The following PCDH15 variants were observed in gnomAD, a reference collection of about 807,000 sequenced individuals.
PCDH15 encodes the protein protocadherin-15.
PCDH15 carries 129 observed loss-of-function variants against 178.5 expected under a neutral mutation model. The ratio of observed to expected loss-of-function variants is 0.72; its 90% CI spans 0.63 to 0.84. PCDH15 has a LOEUF of 0.84. Among genes scored for constraint, PCDH15 ranks in the 40% least tolerant of loss-of-function variants. PCDH15 has a pLI of 0.00. For missense variants in PCDH15, 2,230 were observed against 2,099.9 expected, an observed-to-expected ratio of 1.06 and a Z score of -1.21; for synonymous variants, 800 against 732.0, an observed-to-expected ratio of 1.09 and a Z score of -1.50.
At chr10:54,658,219 A>G (rs902063217) in intron 2 of PCDH15, among the ~76,000 whole-genome samples, 29 of 152,102 alleles carry the variant, frequency 1.9e-4, no homozygotes, top group African/African-American at 6.8e-4. Context: ...ATAATTGAGG[A>G]AATAATTGAG....
intron 9 of PCDH15, among the ~76,000 whole-genome samples, chr10:54,226,033 A>G (rs942206903): frequency 4.6e-5 from 7 of 152,198 alleles, no homozygotes; most frequent in Non-Finnish European, 8.8e-5. Flanking sequence ...AAAGAAAGAG[A>G]GAGAGAGAGG....
At chr10:54,675,300 T>C (rs550918278) in intron 1 of PCDH15, among the ~76,000 whole-genome samples, 6 of 152,112 alleles carry the variant, frequency 3.9e-5, no homozygotes, top group African/African-American at 1.2e-4. Flanking sequence ...TATATGTCCC[T>C]TGGGGATGGG....
intron 3 of PCDH15, among the ~76,000 whole-genome samples, chr10:54,502,319 AC>A (rs1158308860): frequency 3.3e-5 from 5 of 152,074 alleles, no homozygotes; most frequent in African/African-American, 1.2e-4. Context: ...GTTATTAACT[AC>A]CCTGCTTATC....
intron 1 of PCDH15, among the ~76,000 whole-genome samples, chr10:55,223,118 G>A (rs1421714410): frequency 6.6e-6 from 1 of 151,966 alleles, no homozygotes; most frequent in Non-Finnish European, 1.5e-5. Flanking sequence ...AGTAAATGTT[G>A]CTTATGTGAC....
chr10:54,213,852 A>G, intron 10 of PCDH15, 84 bp downstream of exon 10: 1 of 896,818 alleles, frequency 1.1e-6, no homozygotes, highest in Non-Finnish European at 1.8e-6. Context: ...ATTTTATAAC[A>G]TAAAACTGCC....
rs896505637 is a variant in PCDH15 at position 53,802,918 on chromosome 10, A to T, written c.*3661T>A. On this transcript the variant is annotated 3_prime_UTR_variant, in exon 38 of 38. Transcript: ENST00000644397. The stretch of plus-strand genomic sequence containing the variant: ...GGATAAAGAAATTGGGAAAGCAGTG[A>T]AGGTGTTGATAGATTTTTCAAACTA... 6.6e-6 allele frequency: 1 copy of T among 151,960 alleles called. No individual in the cohort carries two copies. Among genetic ancestry groups the T allele is most frequent in the Admixed American group, 6.6e-5 (1 of 15,236 alleles). 9.4% of individuals were successfully genotyped at this position (151,960 alleles called of 1,614,324 possible).
intron 2 of PCDH15, among the ~76,000 whole-genome samples, chr10:55,080,094 C>T (rs1184922541): frequency 1.3e-5 from 2 of 152,044 alleles, no homozygotes; most frequent in African/African-American, 2.4e-5. Flanking sequence ...CTCTCAGGTT[C>T]TAGGGAGTGC....
At chr10:54,979,235 A>C (rs1450396209) in intron 2 of PCDH15, among the ~76,000 whole-genome samples, 1 of 152,218 alleles carries the variant, frequency 6.6e-6, no homozygotes, top group Non-Finnish European at 1.5e-5. Flanking sequence ...AGGAATGGAT[A>C]GTTGAAATAG....
intron 1 of PCDH15, among the ~76,000 whole-genome samples, chr10:54,667,276 T>C (rs2094586662): frequency 6.6e-6 from 1 of 152,168 alleles, no homozygotes; most frequent in South Asian, 2.1e-4. Context: ...AAGAAAGCTA[T>C]GACTCATCAC....
chr10:54,168,338 C>T (rs1026513900), intron 13 of PCDH15, among the ~76,000 whole-genome samples: 54 of 152,230 alleles, frequency 3.5e-4, no homozygotes, highest in Admixed American at 8.5e-4. Context: ...TTCTTTCCCT[C>T]CCGCCTGTCC....
intron 1 of PCDH15, among the ~76,000 whole-genome samples, chr10:55,304,479 T>C (rs2132281599): frequency 6.6e-6 from 1 of 152,326 alleles, no homozygotes; most frequent in South Asian, 2.1e-4. Flanking sequence ...TAAATGTAAC[T>C]TATATTAACA....
At chr10:55,369,010 CAA>C (rs60906060) in intron 2 of PCDH15, among the ~76,000 whole-genome samples, 994 of 86,220 alleles carry the variant, frequency 0.012, 8 homozygotes, top group African/African-American at 0.039. Flanking sequence ...TTTTTGGGAC[CAA>C]AAAAAAAAAA....
intron 2 of PCDH15, among the ~76,000 whole-genome samples, chr10:55,474,164 A>G (rs2132110358): frequency 6.6e-6 from 1 of 152,294 alleles, no homozygotes; most frequent in Non-Finnish European, 1.5e-5. Context: ...ATTAACTATG[A>G]AATTGGGTAA....
chr10:54,938,511 T>G (rs1837965647), intron 2 of PCDH15, among the ~76,000 whole-genome samples: 1 of 152,152 alleles, frequency 6.6e-6, no homozygotes, highest in South Asian at 2.1e-4. Context: ...TATTAATTTT[T>G]TCTTAAATAT....
chr10:54,054,807 C>G (rs1162031868), intron 18 of PCDH15, among the ~76,000 whole-genome samples: 1 of 147,238 alleles, frequency 6.8e-6, no homozygotes, highest in Non-Finnish European at 1.5e-5. Flanking sequence ...ACCAATTTTT[C>G]AAATTGTGTG....
At chr10:54,356,907 C>T (rs971161816) in intron 5 of PCDH15, among the ~76,000 whole-genome samples, 1 of 152,010 alleles carries the variant, frequency 6.6e-6, no homozygotes, top group Non-Finnish European at 1.5e-5. Flanking sequence ...CAAAGACAAA[C>T]ACCACATGAT....
At chr10:54,886,485 G>A (rs1462323548) in intron 3 of PCDH15, among the ~76,000 whole-genome samples, 2 of 152,208 alleles carry the variant, frequency 1.3e-5, no homozygotes, top group African/African-American at 2.4e-5. Flanking sequence ...TTATTGTTCA[G>A]GCGCAGTGGC....
intron 3 of PCDH15, among the ~76,000 whole-genome samples, chr10:54,845,526 G>A (rs539777380): frequency 6.6e-6 from 1 of 152,202 alleles, no homozygotes; most frequent in Non-Finnish European, 1.5e-5. Context: ...GAAGGATGTG[G>A]TCTAAATTCT....
chr10:53,886,016 T>A (rs1420778038), intron 26 of PCDH15, among the ~76,000 whole-genome samples: 1 of 152,208 alleles, frequency 6.6e-6, no homozygotes, highest in Admixed American at 6.5e-5. Flanking sequence ...TCAATAAAAC[T>A]GTGTTTTTAA....
Sources: gnomAD v4.1 joint callset for allele counts (sites outside exome capture counted in the v4.1 genomes callset) on GRCh38, gnomAD v4.1.1 for gene constraint, MANE v1.5 for transcripts, NCBI Gene and HGNC (gene_info 2026-07-23, HGNC 2026-07-21) for gene names.